Variants in ZNF594 observed in about 807,000 individuals in gnomAD.
The protein encoded by ZNF594 is zinc finger protein HZF18.
For synonymous variants in ZNF594, 336 were observed against 309.4 expected (o/e 1.09, Z -0.90); for missense variants, 1,037 against 964.6 (o/e 1.08, Z -0.99).
Position 5,181,614 on chromosome 17 carries a change from A to T in ZNF594, c.*219T>A. 6.2e-7 allele frequency: 1 copy of T among 1,606,946 alleles called. No homozygotes were observed. The highest frequency in any genetic ancestry group is 8.5e-7 in the Non-Finnish European group (1 of 1,173,584). On this transcript the variant is annotated 3_prime_UTR_variant, in exon 2 of 2. Coordinates refer to ENST00000575779, the MANE Select transcript of ZNF594 (RefSeq NM_032530.2). ...TTGAATAAGGAGTGAACGCCGCCTGAAGGCTTTTTCACATTCAGTGCACTG... is the reference window on the plus strand; with the variant it reads ...TTGAATAAGGAGTGAACGCCGCCTGTAGGCTTTTTCACATTCAGTGCACTG...
At chr17:5,175,235 A>G (rs1009481783), downstream of ZNF594, among the ~76,000 whole-genome samples, 11 of 152,116 alleles carry the variant, frequency 7.2e-5, 1 homozygote, top group Admixed American at 5.9e-4. Context: ...GGCGAGCTGT[A>G]TTTATAGCCG....
At position 5,182,432 on chromosome 17, in the gene ZNF594, A is replaced by C; in HGVS notation, c.1825T>G (p.Ser609Ala). The change falls in exon 2 of 2, where the codon TCA becomes GCA. Residue 609 changes from serine to alanine, a missense_variant. Physicochemically the swap from Ser to Ala is moderately conservative, Grantham distance 99. Coordinates refer to ENST00000575779, the MANE Select transcript of ZNF594 (RefSeq NM_032530.2). ...ATTCTATGATGTCTCAGAAGGTCTG[A>C]GCTCTGATTGAAAGTTTTCCCACAT... ...KECGKTFNQSSDLLRHHRIHS... is the reference protein window; with the variant it reads ...KECGKTFNQSADLLRHHRIHS... The C allele has an allele frequency of 6.2e-7, 1 of 1,613,504 alleles. No individual in the cohort carries two copies. Among genetic ancestry groups the C allele is most frequent in the Non-Finnish European group, 8.5e-7 (1 of 1,179,916 alleles).
intron 1 of ZNF594, among the ~76,000 whole-genome samples, chr17:5,186,310 T>C (rs114813656): frequency 0.015 from 2,325 of 152,320 alleles, 60 homozygotes; most frequent in African/African-American, 0.052. Flanking sequence ...TGCCAAGGCT[T>C]AGGGCACCCT....
chr17:5,190,348 C>T, intron 1 of ZNF594, among the ~76,000 whole-genome samples: 1 of 152,090 alleles, frequency 6.6e-6, no homozygotes, highest in East Asian at 1.9e-4. Context: ...AGTCTGTTGA[C>T]AGAGCGAGAC....
At position 5,183,368 on chromosome 17, in the gene ZNF594, A is replaced by T. The variant is rs1479693478; in HGVS notation, c.889T>A (p.Cys297Ser). Residue 297 changes from cysteine (C) to serine (S), a missense_variant, in exon 2 of 2, where the codon TGT becomes AGT. Cys to Ser is a moderately radical substitution (Grantham distance 112). Transcript: ENST00000575779. ...CTGAAGGCTTTTTCACATTCATTAC[A>T]TTTGAGGGGTTTCTCTCCAGTGTGA... The part of the protein sequence containing the change: ...RIHTGEKPLK[C>S]NECEKAFRQH... 1 of 1,613,736 alleles carries T rather than the reference A, an allele frequency of 6.2e-7. No homozygotes were observed. Among genetic ancestry groups the T allele is most frequent in the Non-Finnish European group, 8.5e-7 (1 of 1,180,022 alleles).
Position 5,183,871 on chromosome 17 carries a change from C to A in ZNF594, c.386G>T (p.Cys129Phe). The A allele has an allele frequency of 6.2e-7, 1 of 1,613,474 alleles. No homozygotes were observed. Among genetic ancestry groups the A allele is most frequent in the Non-Finnish European group, 8.5e-7 (1 of 1,179,898 alleles). ...GTTGAAGGTTTTTTCACATTCCTTACATTCATAGGTCTTATTTATATTATG... is the reference window on the plus strand; with the variant it reads ...GTTGAAGGTTTTTTCACATTCCTTAAATTCATAGGTCTTATTTATATTATG... Reference protein sequence around the residue: ...KIHNINKTYECKECEKTFNRS... With the variant: ...KIHNINKTYEFKECEKTFNRS... Residue 129 changes from cysteine (C) to phenylalanine (F), a missense_variant, in exon 2 of 2, where the codon TGT becomes TTT. Coordinates refer to ENST00000575779, the MANE Select transcript of ZNF594 (RefSeq NM_032530.2).
chr17:5,182,241 T>C lies in ZNF594; in HGVS notation c.2016A>G (p.Lys672=). Residue 672 remains lysine (K), a synonymous_variant, in exon 2 of 2, where the codon AAA becomes AAG. Coordinates refer to ENST00000575779, the MANE Select transcript of ZNF594 (RefSeq NM_032530.2). ...SQRSHLATHQ[K]IHTGEKPYQC... ...GATAGGGTTTCTCTCCAGTATGGAT[T>C]TTCTGGTGTGTAGCAAGGTGTGACC... The C allele has an allele frequency of 6.2e-7, 1 of 1,613,378 alleles. No homozygotes were observed. The highest frequency in any genetic ancestry group is 8.5e-7 in the Non-Finnish European group (1 of 1,179,886).
chr17:5,185,073 C>T (rs1296363241), intron 1 of ZNF594, among the ~76,000 whole-genome samples: 1 of 152,214 alleles, frequency 6.6e-6, no homozygotes, highest in African/African-American at 2.4e-5. Context: ...GGAATTGCCT[C>T]CTTTTGTGTG....
chr17:5,185,181 T>C (rs924452415), intron 1 of ZNF594, among the ~76,000 whole-genome samples: 1 of 152,148 alleles, frequency 6.6e-6, no homozygotes, highest in Non-Finnish European at 1.5e-5. Context: ...GATTAGTCCG[T>C]TTTCATGCTG....
chr17:5,175,392 T>C (rs1228294670), downstream of ZNF594, among the ~76,000 whole-genome samples: 2 of 152,202 alleles, frequency 1.3e-5, no homozygotes, highest in Non-Finnish European at 2.9e-5. Context: ...TAATGCCTGA[T>C]GATTTGAGGT....
chr17:5,174,722 T>C (rs964300874), downstream of ZNF594: 9 of 201,810 alleles, frequency 4.5e-5, no homozygotes, highest in Non-Finnish European at 9.2e-5. Context: ...TGTGTTATAC[T>C]GGTTGTAATT....
rs2074370589 is a variant in ZNF594 at position 5,184,092 on chromosome 17, T to C, written c.165A>G (p.Ala55=). 6.2e-7 allele frequency: 1 copy of C among 1,614,226 alleles called. No homozygotes were observed. The highest frequency in any genetic ancestry group is 8.5e-7 in the Non-Finnish European group (1 of 1,180,046). ...TCTCTTGGGAAGGGAGATGTCTCAT[T>C]GCATCCTTTAAAGGGCTTACCCAGT... ...LKHWVSPLKD[A]MRHLPSQESG... is the part of the protein sequence containing the mutation. Residue 55 remains alanine (A), a synonymous_variant, in exon 2 of 2, where the codon GCA becomes GCG. Transcript: ENST00000575779.
rs371446049 is a variant in ZNF594 at position 5,182,053 on chromosome 17, A to G, written c.2204T>C (p.Leu735Pro). 6 of 1,613,270 alleles carry G rather than the reference A, an allele frequency of 3.7e-6. No individual in the cohort carries two copies. Among genetic ancestry groups the G allele is most frequent in the Non-Finnish European group, 5.1e-6 (6 of 1,179,922 alleles). The change falls in exon 2 of 2, where the codon CTT (leucine) becomes CCT (proline). Residue 735 changes from leucine to proline, a missense_variant. By Grantham distance (98) the Leu-to-Pro change is moderately conservative. Coordinates refer to ENST00000575779, the MANE Select transcript of ZNF594 (RefSeq NM_032530.2). Reference sequence around the variant, plus strand: ...GCTGAAGGTTTTCTCACATTCTTCAAGTTTCTCTCCAGCATGCAGTCTCTG... The same window carrying G: ...GCTGAAGGTTTTCTCACATTCTTCAGGTTTCTCTCCAGCATGCAGTCTCTG... ...KHQRLHAGEK[L>P]EECEKTFSKD...
chr17:5,179,083 G>A (rs374727629), downstream of ZNF594, among the ~76,000 whole-genome samples: 35 of 151,664 alleles, frequency 2.3e-4, 1 homozygote, highest in African/African-American at 6.8e-4. Context: ...ACCACAGGGA[G>A]GTGACAGCGC....
chr17:5,181,890 A>G lies in ZNF594; in HGVS notation c.2367T>C (p.Tyr789=). 1 of 1,613,892 alleles carries G rather than the reference A, an allele frequency of 6.2e-7. No individual in the cohort carries two copies. Among genetic ancestry groups the G allele is most frequent in the Non-Finnish European group, 8.5e-7 (1 of 1,179,972 alleles). The change falls in exon 2 of 2, where the codon TAT becomes TAC. Residue 789 remains tyrosine, a synonymous_variant. Transcript: ENST00000575779. ...GAGTTTTCCCACATTCTTTACATTCATATGGTTTCTCTCTTGTATGAGTTA... is the reference window on the plus strand; with the variant it reads ...GAGTTTTCCCACATTCTTTACATTCGTATGGTTTCTCTCTTGTATGAGTTA... ...HQVTHTREKP[Y]ECKECGKTQS...
Position 5,181,737 on chromosome 17 carries a change from C to T in ZNF594, c.*96G>A, listed in dbSNP as rs1567824413. On this transcript the variant is annotated 3_prime_UTR_variant, in exon 2 of 2. Coordinates refer to ENST00000575779, the MANE Select transcript of ZNF594 (RefSeq NM_032530.2). ...TTCACTACATTCATGAGGTTTCTCT[C>T]CAGTATGAACACGATGGTGTTTAAT... 4 of 1,593,698 alleles carry T rather than the reference C, an allele frequency of 2.5e-6. No homozygotes were observed.
chr17:5,182,500 T>C lies in ZNF594; in HGVS notation c.1757A>G (p.His586Arg). ...AFQGSSDLIR[H>R]QVTHTREKPY... The stretch of plus-strand genomic sequence containing the variant: ...TTTCTCTCTTGTATGAGTTACCTGA[T>C]GTCTGATGAGGTCTGAGCTGCCCTG... The change falls in exon 2 of 2, where the codon CAT becomes CGT. Residue 586 changes from histidine (H) to arginine (R), a missense_variant. Physicochemically the swap from His to Arg is conservative, Grantham distance 29. Coordinates refer to ENST00000575779, the MANE Select transcript of ZNF594 (RefSeq NM_032530.2). The C allele has an allele frequency of 6.2e-7, 1 of 1,614,136 alleles. No individual in the cohort carries two copies. The highest frequency in any genetic ancestry group is 8.5e-7 in the Non-Finnish European group (1 of 1,180,022).
Position 5,183,512 on chromosome 17 carries a change from T to A in ZNF594, c.745A>T (p.Ser249Cys). 6.2e-7 allele frequency: 1 copy of A among 1,614,226 alleles called. No individual in the cohort carries two copies. The highest frequency in any genetic ancestry group is 8.5e-7 in the Non-Finnish European group (1 of 1,180,040). The part of the protein sequence containing the change: ...YLCNKCGKAF[S>C]QSTDLIIHHR... ...TGTATAATAAGATCTGTGCTTTGAC[T>A]GAAAGCCTTCCCACATTTATTGCAT... is the stretch of plus-strand genomic sequence containing the variant. Residue 249 changes from serine (S) to cysteine (C), a missense_variant, in exon 2 of 2, where the codon AGT (serine) becomes TGT (cysteine). Ser to Cys is a moderately radical substitution (Grantham distance 112). Coordinates refer to ENST00000575779, the MANE Select transcript of ZNF594 (RefSeq NM_032530.2).
downstream of ZNF594, among the ~76,000 whole-genome samples, chr17:5,176,684 C>G (rs1286290034): frequency 6.6e-6 from 1 of 151,370 alleles, no homozygotes; most frequent in East Asian, 1.9e-4. Flanking sequence ...TTGGAAACAC[C>G]TGATGGAAAA....
Sources: allele counts gnomAD v4.1 joint callset (sites outside exome capture counted in the v4.1 genomes callset), GRCh38; gene constraint gnomAD v4.1.1; transcripts MANE v1.5; gene names NCBI Gene and HGNC (gene_info 2026-07-23, HGNC 2026-07-21).